Variants in MLLT6 observed in about 807,000 individuals in gnomAD.
MLLT6 encodes the protein MLLT6, PHD finger containing.
In MLLT6, 22 loss-of-function variants were observed where a neutral mutation model predicts 103.0. That is an observed-to-expected ratio of 0.21 (90% confidence interval 0.15 to 0.31). The LOEUF (loss-of-function observed/expected upper bound fraction) is 0.31, where lower values mean the gene tolerates loss of function less well. Among genes scored for constraint, MLLT6 ranks in the 10% least tolerant of loss-of-function variants. The pLI is 1.00. For synonymous variants in MLLT6, 606 were observed against 623.5 expected, an observed-to-expected ratio of 0.97 and a Z score of 0.42; for missense variants, 1,199 against 1,441.7, an observed-to-expected ratio of 0.83 and a Z score of 2.73.
At position 38,726,225 on chromosome 17, in the gene MLLT6, C is replaced by T. The variant is rs537288571; in HGVS notation, c.*627C>T. The T allele has an allele frequency of 2.1e-5, 5 of 234,008 alleles. No individual in the cohort carries two copies. The South Asian group carries it at 9.0e-4, about 42-fold the overall frequency. The allele number at this position is 234,008 out of a possible 1,614,324, so 14.5% of individuals were successfully genotyped here. A position where few individuals can be genotyped will look rare whatever the true frequency, so the allele number is the denominator to read the frequency against. On this transcript the variant is annotated 3_prime_UTR_variant, in exon 20 of 20. Coordinates refer to ENST00000621332, the MANE Select transcript of MLLT6 (RefSeq NM_005937.4). ...CCCCAGCCTCCTCAACCTCTTGGGG[C>T]CCCGTGATGGGGAGGAGAGGGCAGG...
chr17:38,722,999 C>T (rs1191462526), intron 18 of MLLT6, among the ~76,000 whole-genome samples: 2 of 152,096 alleles, frequency 1.3e-5, no homozygotes, highest in Non-Finnish European at 2.9e-5. Context: ...GTAATAGCCC[C>T]AGGTCGCATC....
At chr17:38,717,128 C>T (rs1905386189) in intron 10 of MLLT6, 147 bp downstream of exon 10, 3 of 1,217,140 alleles carry the variant, frequency 2.5e-6, no homozygotes, top group South Asian at 3.0e-5. Flanking sequence ...AGGACATCCC[C>T]CTCTGCATGC....
In MLLT6 at chr17:38,722,724, C is replaced by A. The variant is rs770164002; in HGVS notation, c.2839C>A (p.Leu947Ile). 35 of 1,569,412 alleles carry A rather than the reference C, an allele frequency of 2.2e-5. No homozygotes were observed. The Admixed American group carries it at 4.8e-4, about 22-fold the overall frequency. The change falls in exon 18 of 20, where the codon CTC (leucine) becomes ATC (isoleucine). Residue 947 changes from leucine to isoleucine, a missense_variant. Around this residue, in one of 7 missense-constraint regions of MLLT6, gnomAD observed 1,034 missense variants for 1,091.5 expected, o/e 0.95. Coordinates refer to ENST00000621332, the MANE Select transcript of MLLT6 (RefSeq NM_005937.4). ...RHLLQQQEQQ[L>I]QQLQQLLASP... Reference sequence around the variant, plus strand: ...TCTCCTTCAGCAGCAAGAGCAGCAGCTCCAGCAACTCCAGCAGCTCCTGGC... The same window carrying A: ...TCTCCTTCAGCAGCAAGAGCAGCAGATCCAGCAACTCCAGCAGCTCCTGGC...
rs138851933 is a variant in MLLT6, at chr17:38,721,668, G to A, written c.2443-210G>A. On this transcript the variant is annotated intron_variant, in intron 16 of 19. Transcript: ENST00000621332. ...TCCATTATTAAATGAGGATGATGAG[G>A]GGCGCTGGACTCCCAGGAAGGGGTC... 8.7e-3 allele frequency among the ~76,000 whole-genome samples: 1,329 copies of A among 152,322 alleles called. 23 individuals carry two copies. The highest frequency in any genetic ancestry group is 0.047 in the Admixed American group (713 of 15,296).
At position 38,716,680 on chromosome 17, in the gene MLLT6, C is replaced by A; in HGVS notation, c.1350C>A (p.Ala450=). The change falls in exon 10 of 20, where the codon GCC becomes GCA. Residue 450 remains alanine, a synonymous_variant. Coordinates refer to ENST00000621332, the MANE Select transcript of MLLT6 (RefSeq NM_005937.4). The surrounding 1 kb of genome is among the most constrained non-coding windows in gnomAD (Gnocchi z 5.6). The part of the protein sequence containing the change: ...GTHKRMPALS[A]TPVPADETPE... ...ACAAACGGATGCCCGCACTGAGTGC[C>A]ACCCCTGTGCCTGCTGATGAGACCC... 1 of 1,613,112 alleles carries A rather than the reference C, an allele frequency of 6.2e-7. No homozygotes were observed. Among genetic ancestry groups the A allele is most frequent in the East Asian group, 2.2e-5 (1 of 44,854 alleles).
At chr17:38,708,218 T>A (rs1905012611) in intron 4 of MLLT6, 1 of 288,146 alleles carries the variant, frequency 3.5e-6, no homozygotes, top group Non-Finnish European at 6.5e-6. Context: ...AAGACAGGTG[T>A]GCTGCCCGCT....
In MLLT6 at chr17:38,717,558, G is replaced by T. The variant is rs767455574; in HGVS notation, c.1778G>T (p.Arg593Leu). 6.2e-7 allele frequency: 1 copy of T among 1,613,662 alleles called. No individual in the cohort carries two copies. Among genetic ancestry groups the T allele is most frequent in the South Asian group, 1.1e-5 (1 of 91,036 alleles). ...PGTSALPRLS[R>L]SPFTSTLPSS... Reference sequence around the variant, plus strand: ...ACCTCGGCCCTGCCCCGCCTCAGCCGCTCCCCGTTCACCAGCACCCTCCCC... The same window carrying T: ...ACCTCGGCCCTGCCCCGCCTCAGCCTCTCCCCGTTCACCAGCACCCTCCCC... Residue 593 changes from arginine (R) to leucine (L), a missense_variant, in exon 11 of 20, where the codon CGC becomes CTC. Around this residue, in one of 7 missense-constraint regions of MLLT6, gnomAD observed 1,034 missense variants for 1,091.5 expected, o/e 0.95. Transcript: ENST00000621332.
chr17:38,717,866 A>G lies in MLLT6; in HGVS notation c.1855A>G (p.Thr619Ala), dbSNP rs200418635. 3 of 1,613,732 alleles carry G rather than the reference A, an allele frequency of 1.9e-6. No individual in the cohort carries two copies. Among genetic ancestry groups the G allele is most frequent in the African/African-American group, 2.7e-5 (2 of 74,976 alleles). The part of the protein sequence containing the change: ...TTQVFSLAGS[T>A]FSLPSTHIFG... The stretch of plus-strand genomic sequence containing the variant: ...TTAGGTGTTTTCTCTGGCTGGCTCT[A>G]CCTTTAGCCTCCCTTCTACCCACAT... Residue 619 changes from threonine (T) to alanine (A), a missense_variant, in exon 12 of 20, where the codon ACC becomes GCC. This residue lies in a region of MLLT6 where 1,034 missense variants were observed against 1,091.5 expected (regional missense o/e 0.95). Coordinates refer to ENST00000621332, the MANE Select transcript of MLLT6 (RefSeq NM_005937.4).
In MLLT6 at chr17:38,709,515, A is replaced by G; in HGVS notation, c.492A>G (p.Glu164=). The G allele has an allele frequency of 6.2e-7, 1 of 1,614,254 alleles. No homozygotes were observed. Residue 164 remains glutamate (E), a synonymous_variant, in exon 6 of 20, where the codon GAA becomes GAG. Coordinates refer to ENST00000621332, the MANE Select transcript of MLLT6 (RefSeq NM_005937.4). The surrounding 1 kb of genome is among the most constrained non-coding windows in gnomAD (Gnocchi z 4.3). ...AQMAGLLCEE[E]VLEVDNVKYC... is the part of the protein sequence containing the mutation. ...TGGCAGGCTTGCTGTGTGAGGAAGA[A>G]GTGCTGGAGGTGGACAACGTCAAGT...
chr17:38,717,675 C>A, intron 11 of MLLT6, 62 bp downstream of exon 11: 1 of 1,550,920 alleles, frequency 6.4e-7, no homozygotes, highest in Non-Finnish European at 8.8e-7. Context: ...TGACAGAGGA[C>A]CCCAGCCTTC....
Position 38,717,552 on chromosome 17 carries a change from T to G in MLLT6, c.1772T>G (p.Leu591Arg), listed in dbSNP as rs1359720573. ...GPPGTSALPR[L>R]SRSPFTSTLP... ...CCAGGGACCTCGGCCCTGCCCCGCC[T>G]CAGCCGCTCCCCGTTCACCAGCACC... Residue 591 changes from leucine to arginine, a missense_variant, in exon 11 of 20, where the codon CTC becomes CGC. Leu to Arg is a moderately radical substitution (Grantham distance 102). Around this residue, in one of 7 missense-constraint regions of MLLT6, gnomAD observed 1,034 missense variants for 1,091.5 expected, o/e 0.95. Coordinates refer to ENST00000621332, the MANE Select transcript of MLLT6 (RefSeq NM_005937.4). The G allele has an allele frequency of 6.2e-7, 1 of 1,613,726 alleles. No individual in the cohort carries two copies.
chr17:38,709,601 G>C lies in MLLT6; in HGVS notation c.552+26G>C, dbSNP rs1260657973. On this transcript the variant is annotated intron_variant, in intron 6 of 19. Transcript: ENST00000621332. This position sits in a 1 kb window ranked among gnomAD's most constrained non-coding sequence, Gnocchi z 4.3. ...GTGAGTCCTGGCGACCAGCGCATGA[G>C]CGGGTCAGTCAGCTGTGGTAAGATG... 1 of 1,575,422 alleles carries C rather than the reference G, an allele frequency of 6.3e-7. No individual in the cohort carries two copies. The highest frequency in any genetic ancestry group is 1.7e-5 in the Admixed American group (1 of 59,944).
chr17:38,721,742 G>T (rs1013230553), intron 16 of MLLT6, 136 bp from the exon 17 acceptor site: 21 of 561,834 alleles, frequency 3.7e-5, no homozygotes, highest in Non-Finnish European at 6.3e-5. Flanking sequence ...CCTCATCCCC[G>T]GACCTTGCTT....
chr17:38,707,668 G>A, intron 3 of MLLT6, 95 bp from the exon 4 acceptor site: 1 of 1,245,958 alleles, frequency 8.0e-7, no homozygotes, highest in Non-Finnish European at 1.2e-6. Context: ...TGATGGGAAG[G>A]CTGTGGAGGA....
At chr17:38,712,238 A>G (rs946012019) in intron 7 of MLLT6, 2 of 438,704 alleles carry the variant, frequency 4.6e-6, no homozygotes, top group Admixed American at 6.4e-5. Context: ...GGTCCTCCCC[A>G]TGACATCACA....
chr17:38,720,320 G>GGCC, intron 14 of MLLT6, 52 bp from the exon 15 acceptor site: 2 of 735,420 alleles, frequency 2.7e-6, no homozygotes. Context: ...CGGTCCCCTG[G>GGCC]CCCCGCCTCC....
At position 38,724,669 on chromosome 17, in the gene MLLT6, G is replaced by A. The variant is rs1405440183; in HGVS notation, c.2933G>A (p.Arg978Gln). The change falls in exon 19 of 20, where the codon CGG becomes CAG. Residue 978 changes from arginine (R) to glutamine (Q), a missense_variant. By Grantham distance (43) the Arg-to-Gln change is conservative. This residue lies in a region of MLLT6 where 1,034 missense variants were observed against 1,091.5 expected (regional missense o/e 0.95). Coordinates refer to ENST00000621332, the MANE Select transcript of MLLT6 (RefSeq NM_005937.4). This position sits in a 1 kb window ranked among gnomAD's most constrained non-coding sequence, Gnocchi z 5.4. ...YQMIQQIQQK[R>Q]ELQRLQMAGG... Reference sequence around the variant, plus strand: ...ATGATCCAGCAGATCCAGCAGAAACGGGAGCTGCAGCGCCTGCAGATGGCT... The same window carrying A: ...ATGATCCAGCAGATCCAGCAGAAACAGGAGCTGCAGCGCCTGCAGATGGCT... 1.2e-5 allele frequency: 20 copies of A among 1,611,452 alleles called. No individual in the cohort carries two copies. The highest frequency in any genetic ancestry group is 4.5e-5 in the East Asian group (2 of 44,814).
rs200488406 is a variant in MLLT6 at position 38,705,747 on chromosome 17, G to C, written c.109+6G>C. The C allele has an allele frequency of 6.6e-4, 903 of 1,375,234 alleles. No homozygotes were observed. Among genetic ancestry groups the C allele is most frequent in the Middle Eastern group, 1.0e-3 (4 of 4,014 alleles). 85.2% of individuals were successfully genotyped at this position (1,375,234 alleles called of 1,614,324 possible). A position where few individuals can be genotyped will look rare whatever the true frequency, so the allele number is the denominator to read the frequency against. On this transcript the variant is annotated splice_donor_region_variant and intron_variant, in intron 1 of 19. Transcript: ENST00000621332. ...CAGCGTGGCCGTCCACCAAGGTACG[G>C]GGGTGGCCCGCGGGGGGCGGCGGGA...
In MLLT6 at chr17:38,709,010, T is replaced by A; in HGVS notation, c.355-163T>A. On this transcript the variant is annotated intron_variant, in intron 4 of 19. Coordinates refer to ENST00000621332, the MANE Select transcript of MLLT6 (RefSeq NM_005937.4). The surrounding 1 kb of genome is among the most constrained non-coding windows in gnomAD (Gnocchi z 4.3). ...CCCATGTGACTGGTGGCATTTGTCTTGGACGGCGCAGACCATAGAGCGTTT... is the reference window on the plus strand; with the variant it reads ...CCCATGTGACTGGTGGCATTTGTCTAGGACGGCGCAGACCATAGAGCGTTT... 1 of 619,230 alleles carries A rather than the reference T, an allele frequency of 1.6e-6. No homozygotes were observed. The highest frequency in any genetic ancestry group is 2.8e-6 in the Non-Finnish European group (1 of 353,528). The allele number at this position is 619,230 out of a possible 1,614,324, so 38.4% of individuals were successfully genotyped here.
Sources: allele counts gnomAD v4.1 joint callset (sites outside exome capture counted in the v4.1 genomes callset), GRCh38; gene constraint gnomAD v4.1.1; regional missense constraint gnomAD v4.1.1; non-coding constraint Gnocchi (gnomAD v3.1); transcripts MANE v1.5; gene names NCBI Gene and HGNC (gene_info 2026-07-23, HGNC 2026-07-21).